PTPRZ1: variants seen among roughly 807,000 people sequenced by gnomAD.
PTPRZ1 encodes protein tyrosine phosphatase receptor type Z1, also known as receptor-type tyrosine-protein phosphatase zeta.
In PTPRZ1, 82 loss-of-function variants were observed where a neutral mutation model predicts 214.1. The observed-to-expected ratio is 0.38, with a 90% CI of 0.32 to 0.46. The LOEUF is 0.46. Ranked by LOEUF, PTPRZ1 falls within the 20% of genes least tolerant of loss-of-function variation. PTPRZ1 has a pLI of 1.00. For synonymous variants in PTPRZ1, 945 were observed against 987.9 expected (o/e 0.96, Z 0.81); for missense variants, 2,603 against 2,748.7 (o/e 0.95, Z 1.19).
In PTPRZ1 at chr7:122,032,947, G is replaced by A. The variant is rs542116635; in HGVS notation, c.5167-1148G>A. On this transcript the variant is annotated intron_variant, in intron 15 of 29. Transcript: ENST00000393386. ...GTGTTAACTCAATGTTAATTTTAGT[G>A]TTAACTGATAGAAATTATCAGGCTA... 7.2e-5 allele frequency among the ~76,000 whole-genome samples: 11 copies of A among 152,048 alleles called. No homozygotes were observed. The East Asian group carries it at 2.1e-3, about 29-fold the overall frequency.
chr7:122,007,144 G>A (rs562706102), intron 11 of PTPRZ1, among the ~76,000 whole-genome samples: 77 of 152,244 alleles, frequency 5.1e-4, no homozygotes, highest in African/African-American at 1.7e-3. Context: ...TGAGAAAGCA[G>A]AGTAGAATTA....
chr7:121,928,058 T>A, intron 1 of PTPRZ1, 98 bp from the exon 2 acceptor site: 1 of 821,308 alleles, frequency 1.2e-6, no homozygotes, highest in South Asian at 1.6e-5. Context: ...TGGAAAGGAG[T>A]AATCAAGAAC....
At chr7:121,926,127 A>T (rs1479504140) in intron 1 of PTPRZ1, among the ~76,000 whole-genome samples, 1 of 152,068 alleles carries the variant, frequency 6.6e-6, no homozygotes, top group Non-Finnish European at 1.5e-5. Context: ...ACATAGTGAA[A>T]CCCCGTCTCT....
chr7:121,988,648 C>T (rs1456868213), intron 8 of PTPRZ1, among the ~76,000 whole-genome samples: 1 of 152,126 alleles, frequency 6.6e-6, no homozygotes, highest in Non-Finnish European at 1.5e-5. Context: ...TGATAAAGTA[C>T]CTGGCAGGTA....
chr7:122,044,902 A>T (rs1799840306), intron 23 of PTPRZ1, among the ~76,000 whole-genome samples: 2 of 152,230 alleles, frequency 1.3e-5, no homozygotes, highest in Admixed American at 1.3e-4. Context: ...ACTTTGAAAA[A>T]AAAAAACAGA....
chr7:121,886,205 T>C (rs1265650954), intron 1 of PTPRZ1, among the ~76,000 whole-genome samples: 1 of 152,122 alleles, frequency 6.6e-6, no homozygotes, highest in African/African-American at 2.4e-5. Context: ...TTGCAGTCTG[T>C]TACAATTCAA....
At chr7:121,877,083 A>G (rs554566314) in intron 1 of PTPRZ1, among the ~76,000 whole-genome samples, 1 of 152,328 alleles carries the variant, frequency 6.6e-6, no homozygotes, top group East Asian at 1.9e-4. Context: ...TTTCATTTTC[A>G]GTTACCATCT....
chr7:122,013,737 C>T lies in PTPRZ1; in HGVS notation c.4691C>T (p.Thr1564Ile), dbSNP rs764458808. 2 of 1,614,178 alleles carry T rather than the reference C, an allele frequency of 1.2e-6. No individual in the cohort carries two copies. Among genetic ancestry groups the T allele is most frequent in the Non-Finnish European group, 1.7e-6 (2 of 1,180,030 alleles). ...TCAGATAGCCTTAATGAGAATGAGA[C>T]TTCCACAGATTTCAGTTTTGCAGAC... ...GTSDSLNENE[T>I]STDFSFADTN... is the part of the protein sequence containing the mutation. The change falls in exon 12 of 30, where the codon ACT (threonine) becomes ATT (isoleucine). Residue 1564 changes from threonine to isoleucine, a missense_variant. Physicochemically the swap from Thr to Ile is moderately conservative, Grantham distance 89. Around this residue, in one of 6 missense-constraint regions of PTPRZ1, gnomAD observed 1,913 missense variants for 1,914.3 expected, o/e 1.00. Transcript: ENST00000393386.
intron 1 of PTPRZ1, among the ~76,000 whole-genome samples, chr7:121,927,298 G>T (rs1293206679): frequency 6.6e-6 from 1 of 152,182 alleles, no homozygotes. Flanking sequence ...TACCCACAGT[G>T]TAGCTGAAAT....
At chr7:121,880,731 C>G (rs1009664328) in intron 1 of PTPRZ1, among the ~76,000 whole-genome samples, 1 of 152,094 alleles carries the variant, frequency 6.6e-6, no homozygotes, top group East Asian at 1.9e-4. Flanking sequence ...GGTTTTTATT[C>G]ATATTGTCAT....
rs148825265 is a variant in PTPRZ1 at position 121,877,633 on chromosome 7, G to A, written c.58+4076G>A. ...ACATCTGCAAGGCACCATGCTAGGC[G>A]CTGATAATTCAGCTATGCATCAACA... On this transcript the variant is annotated intron_variant, in intron 1 of 29. Coordinates refer to ENST00000393386, the MANE Select transcript of PTPRZ1 (RefSeq NM_002851.3). 7.5e-3 allele frequency among the ~76,000 whole-genome samples: 1,140 copies of A among 152,180 alleles called. 8 individuals are homozygous for A. Among genetic ancestry groups the A allele is most frequent in the Non-Finnish European group, 0.011 (753 of 68,020 alleles).
At chr7:121,917,200 C>T (rs997252905) in intron 1 of PTPRZ1, among the ~76,000 whole-genome samples, 1 of 152,132 alleles carries the variant, frequency 6.6e-6, no homozygotes, top group African/African-American at 2.4e-5. Context: ...ACCGATAAAG[C>T]AGTAGATGTA....
At chr7:121,968,745 TGA>T (rs1797122238) in intron 3 of PTPRZ1, among the ~76,000 whole-genome samples, 1 of 151,982 alleles carries the variant, frequency 6.6e-6, no homozygotes, top group South Asian at 2.1e-4. Flanking sequence ...TTTTCTTTTT[TGA>T]TATTCTAGTT....
chr7:121,914,531 A>G (rs1795363366), intron 1 of PTPRZ1, among the ~76,000 whole-genome samples: 2 of 152,212 alleles, frequency 1.3e-5, no homozygotes, highest in Admixed American at 6.5e-5. Context: ...AGGAAGTTAC[A>G]GTGGCATTAA....
At chr7:121,973,858 CAGG>C (rs1563045150) in intron 4 of PTPRZ1, among the ~76,000 whole-genome samples, 8 of 138,366 alleles carry the variant, frequency 5.8e-5, no homozygotes, top group Admixed American at 8.1e-5. Context: ...CACTTGAACT[CAGG>C]AGGTGGAGGT....
chr7:122,035,789 A>G (rs928419164), intron 17 of PTPRZ1, among the ~76,000 whole-genome samples: 7 of 152,216 alleles, frequency 4.6e-5, no homozygotes, highest in Non-Finnish European at 8.8e-5. Context: ...TCATCCTTGA[A>G]AAGAATAATC....
chr7:121,913,388 T>C (rs1385668761), intron 1 of PTPRZ1, among the ~76,000 whole-genome samples: 3 of 152,224 alleles, frequency 2.0e-5, no homozygotes, highest in African/African-American at 7.2e-5. Context: ...ACAAAGAACA[T>C]TATCACTTTC....
intron 3 of PTPRZ1, among the ~76,000 whole-genome samples, chr7:121,970,395 T>G (rs1469833744): frequency 6.6e-6 from 1 of 152,210 alleles, no homozygotes; most frequent in African/African-American, 2.4e-5. Flanking sequence ...CCACAATGGT[T>G]GAACTAGTTT....
chr7:121,941,295 A>G (rs1250218643), intron 2 of PTPRZ1, among the ~76,000 whole-genome samples: 1 of 152,226 alleles, frequency 6.6e-6, no homozygotes, highest in Non-Finnish European at 1.5e-5. Context: ...TTTGACTCCT[A>G]GGGCCCTGGC....
Sources: allele counts gnomAD v4.1 joint callset (sites outside exome capture counted in the v4.1 genomes callset), GRCh38; gene constraint gnomAD v4.1.1; regional missense constraint gnomAD v4.1.1; transcripts MANE v1.5; gene names NCBI Gene and HGNC (gene_info 2026-07-23, HGNC 2026-07-21).